The following SP2 variants were observed in gnomAD, a reference collection of about 807,000 sequenced individuals.
The protein encoded by SP2 is Sp2 transcription factor.
A neutral mutation model predicts 50.1 loss-of-function variants in SP2; 9 were observed. The ratio of observed to expected loss-of-function variants is 0.18; its 90% CI spans 0.11 to 0.31. The LOEUF (loss-of-function observed/expected upper bound fraction) is 0.31. SP2 is among the 10% of genes least tolerant of loss of function. SP2 has a pLI of 1.00. For missense variants in SP2, 581 were observed against 806.5 expected (o/e 0.72, Z 3.39); for synonymous variants, 313 against 326.6 (o/e 0.96, Z 0.45).
intron 3 of SP2, among the ~76,000 whole-genome samples, chr17:47,920,760 CT>C (rs937033417): frequency 2.6e-5 from 4 of 151,534 alleles, no homozygotes; most frequent in Non-Finnish European, 5.9e-5. Context: ...GGCTCTCATT[CT>C]TTTTTTTTAT....
rs970800419 is a variant in SP2 at position 47,928,043 on chromosome 17, C to G, written c.*219C>G. ...CTTCCCCTCACCACGAGCTCCCGGC[C>G]TGCCCAGACTGTGGACACTGGCCGT... On this transcript the variant is annotated 3_prime_UTR_variant, in exon 7 of 7. Transcript: ENST00000376741. The G allele has an allele frequency of 1.1e-5, 6 of 535,512 alleles. No individual in the cohort carries two copies. The highest frequency in any genetic ancestry group is 3.2e-5 in the Admixed American group (1 of 31,000). The allele number at this position is 535,512 out of a possible 1,614,324, so 33.2% of individuals were successfully genotyped here.
chr17:47,910,176 CA>C (rs1167238323), intron 1 of SP2, among the ~76,000 whole-genome samples: 1 of 152,188 alleles, frequency 6.6e-6, no homozygotes, highest in Non-Finnish European at 1.5e-5. Context: ...AGATCTTTGC[CA>C]AACTTGGGTG....
chr17:47,901,484 G>C (rs1367075746), intron 1 of SP2, among the ~76,000 whole-genome samples: 2 of 152,134 alleles, frequency 1.3e-5, no homozygotes, highest in East Asian at 1.9e-4. Context: ...TTTTGAGACA[G>C]AGTCTCGCTC....
At chr17:47,898,868 A>G (rs918963045) in intron 1 of SP2, 5 of 152,196 alleles carry the variant, frequency 3.3e-5, no homozygotes, top group African/African-American at 1.2e-4. Context: ...AGGGAAGCTC[A>G]TATGCTTTCT....
At position 47,928,064 on chromosome 17, in the gene SP2, G is replaced by T; in HGVS notation, c.*240G>T. ...CGGCCTGCCCAGACTGTGGACACTG[G>T]CCGTGCCCAATGAGACGTTCTAAAC... is the stretch of plus-strand genomic sequence containing the variant. On this transcript the variant is annotated 3_prime_UTR_variant, in exon 7 of 7. Transcript: ENST00000376741. 2 of 496,088 alleles carry T rather than the reference G, an allele frequency of 4.0e-6. No homozygotes were observed. The highest frequency in any genetic ancestry group is 5.5e-5 in the South Asian group (2 of 36,156). 30.7% of individuals were successfully genotyped at this position (496,088 alleles called of 1,614,324 possible).
chr17:47,905,689 G>C (rs892637897), intron 1 of SP2, among the ~76,000 whole-genome samples: 1 of 152,176 alleles, frequency 6.6e-6, no homozygotes, highest in African/African-American at 2.4e-5. Context: ...TAGAAAGACC[G>C]TGGGACAGGG....
chr17:47,903,196 C>G (rs2034613068), intron 1 of SP2, among the ~76,000 whole-genome samples: 2 of 152,318 alleles, frequency 1.3e-5, no homozygotes, highest in Admixed American at 1.3e-4. Flanking sequence ...ACCCACGAGA[C>G]TAGACAAAAT....
intron 1 of SP2, among the ~76,000 whole-genome samples, chr17:47,905,195 G>A (rs967987385): frequency 8.5e-5 from 13 of 152,208 alleles, no homozygotes; most frequent in Admixed American, 6.5e-4. Flanking sequence ...CCATTTGTGA[G>A]CTTTCTTTGA....
At position 47,919,825 on chromosome 17, in the gene SP2, C is replaced by CTTTTTTTTTTTTTTTTTT. The variant is rs141856390; in HGVS notation, c.1059+2700_1059+2717dup. On this transcript the variant is annotated intron_variant, in intron 3 of 6. Coordinates refer to ENST00000376741, the MANE Select transcript of SP2 (RefSeq NM_003110.6). ...TTTGATCTGAAACACTTTGTCATTCCTTTTTTTTTTTTTTTTTTTTTTCTG... is the reference window on the plus strand; with the variant it reads ...TTTGATCTGAAACACTTTGTCATTCCTTTTTTTTTTTTTTTTTTTTTTTTTTTTTTTTTTTTTTTTCTG... Among the ~76,000 whole-genome samples, 89 of 94,804 alleles carry CTTTTTTTTTTTTTTTTTT rather than the reference C, an allele frequency of 9.4e-4. 5 individuals are homozygous for CTTTTTTTTTTTTTTTTTT. Among genetic ancestry groups the CTTTTTTTTTTTTTTTTTT allele is most frequent in the East Asian group, 2.5e-3 (6 of 2,372 alleles). 62.2% of individuals were successfully genotyped at this position (94,804 alleles called of 152,430 possible).
In SP2 at chr17:47,916,845, T is replaced by G. The variant is rs761575611; in HGVS notation, c.774T>G (p.Pro258=). ...AGAGCCTTCCTGCCTCCCAGCCCCC[T>G]GTGGCTGTGGCTGAGCAGGTGGAGA... ...RKKSLPASQP[P]VAVAEQVETV... is the part of the protein sequence containing the mutation. The change falls in exon 3 of 7, where the codon CCT becomes CCG. Residue 258 remains proline (P), a synonymous_variant. Transcript: ENST00000376741. The surrounding 1 kb of genome is among the most constrained non-coding windows in gnomAD (Gnocchi z 4.7). 1.9e-6 allele frequency: 3 copies of G among 1,613,698 alleles called. No homozygotes were observed. In the Admixed American group the frequency reaches 5.0e-5, roughly 27 times the overall value.
chr17:47,903,007 C>T (rs1474499363), intron 1 of SP2, among the ~76,000 whole-genome samples: 4 of 152,188 alleles, frequency 2.6e-5, no homozygotes, highest in African/African-American at 9.7e-5. Flanking sequence ...CCACCTGCCT[C>T]GGCCGCCCAA....
chr17:47,915,500 G>A, intron 2 of SP2, 112 bp downstream of exon 2: 1 of 632,606 alleles, frequency 1.6e-6, no homozygotes, highest in Non-Finnish European at 2.6e-6. Flanking sequence ...ATGAGACTGG[G>A]GAAGGTTCAG....
rs548405046 is a variant in SP2 at position 47,909,787 on chromosome 17, A to G, written c.8-5525A>G. The stretch of plus-strand genomic sequence containing the variant: ...CTACCAGTTTTTTAAGATGTCCTTG[A>G]ACTCTAATACTAATACCCATTGTGT... On this transcript the variant is annotated intron_variant, in intron 1 of 6. Coordinates refer to ENST00000376741, the MANE Select transcript of SP2 (RefSeq NM_003110.6). 1.3e-4 allele frequency: 71 copies of G among 528,096 alleles called. No homozygotes were observed. In the South Asian group the frequency reaches 1.7e-3, roughly 13 times the overall value. 32.7% of individuals were successfully genotyped at this position (528,096 alleles called of 1,614,324 possible).
At chr17:47,903,685 G>A (rs1464320599) in intron 1 of SP2, among the ~76,000 whole-genome samples, 6 of 151,796 alleles carry the variant, frequency 4.0e-5, no homozygotes, top group Non-Finnish European at 5.9e-5. Context: ...AGCCATGGCC[G>A]GCGCGGTGGC....
rs201575491 is a variant in SP2 at position 47,925,420 on chromosome 17, C to T, written c.1620C>T (p.Ser540=). 5.0e-6 allele frequency: 8 copies of T among 1,614,118 alleles called. No individual in the cohort carries two copies. Among genetic ancestry groups the T allele is most frequent in the Non-Finnish European group, 6.8e-6 (8 of 1,180,052 alleles). ...PDCGKTFRKT[S]LLRAHVRLHT... ...GTGGCAAGACGTTCCGTAAGACGTC[C>T]TTGCTGCGTGCCCATGTGCGCCTGC... The change falls in exon 6 of 7, where the codon TCC becomes TCT. Residue 540 remains serine (S), a synonymous_variant. Transcript: ENST00000376741.
chr17:47,918,764 A>T (rs74943567), intron 3 of SP2, among the ~76,000 whole-genome samples: 12 of 152,302 alleles, frequency 7.9e-5, no homozygotes, highest in East Asian at 3.9e-4. Flanking sequence ...GTACATTTTT[A>T]AAAAATTTGT....
At chr17:47,931,337 ACT>A (rs1178713130), downstream of SP2, among the ~76,000 whole-genome samples, 3 of 151,950 alleles carry the variant, frequency 2.0e-5, no homozygotes, top group East Asian at 5.8e-4. Context: ...ACAGAGCAAG[ACT>A]CTGTCTCAAA....
Position 47,905,817 on chromosome 17 carries a change from C to T in SP2, c.8-9495C>T, listed in dbSNP as rs140065552. 3.5e-4 allele frequency among the ~76,000 whole-genome samples: 54 copies of T among 152,250 alleles called. No individual in the cohort carries two copies. In the East Asian group the frequency reaches 8.1e-3, roughly 23 times the overall value. ...GTGGGAGGAGGTCAGGAAAGGCTTT[C>T]GCTGAGTGAGAGTATAAATGAGCTC... On this transcript the variant is annotated intron_variant, in intron 1 of 6. Coordinates refer to ENST00000376741, the MANE Select transcript of SP2 (RefSeq NM_003110.6).
At chr17:47,921,931 G>A (rs2035474330) in intron 3 of SP2, among the ~76,000 whole-genome samples, 1 of 152,134 alleles carries the variant, frequency 6.6e-6, no homozygotes, top group Non-Finnish European at 1.5e-5. Flanking sequence ...GATAGATGTA[G>A]ATAAACTTAT....
Sources: gnomAD v4.1 joint callset for allele counts (sites outside exome capture counted in the v4.1 genomes callset) on GRCh38, gnomAD v4.1.1 for gene constraint, Gnocchi (gnomAD v3.1) non-coding constraint, MANE v1.5 for transcripts, NCBI Gene and HGNC (gene_info 2026-07-23, HGNC 2026-07-21) for gene names.